Variants in ANK2 observed in about 807,000 individuals in gnomAD.
The protein encoded by ANK2 is ankyrin 2.
In ANK2, 83 loss-of-function variants were observed where a neutral mutation model predicts 360.5. The observed-to-expected ratio is 0.23, with a 90% CI of 0.19 to 0.28. ANK2 has a LOEUF of 0.28. ANK2 is among the 10% of genes least tolerant of loss of function. The probability of loss-of-function intolerance (pLI) is 1.00; values close to 1 mark genes in which losing one functional copy is unlikely to be tolerated. For synonymous variants in ANK2, 1,740 were observed against 1,759.5 expected, an observed-to-expected ratio of 0.99 and a Z score of 0.28; for missense variants, 4,201 against 4,795.7, an observed-to-expected ratio of 0.88 and a Z score of 3.66.
intron 1 of ANK2, among the ~76,000 whole-genome samples, chr4:113,125,660 T>C (rs1272145450): frequency 6.6e-6 from 1 of 152,184 alleles, no homozygotes; most frequent in East Asian, 1.9e-4. Flanking sequence ...TCTGTGTCAT[T>C]TTAATTGTTT....
chr4:113,237,514 C>G, intron 6 of ANK2, 85 bp from the exon 7 acceptor site: 2 of 1,338,768 alleles, frequency 1.5e-6, no homozygotes, highest in Non-Finnish European at 2.2e-6. Context: ...AACAGTATAC[C>G]CAATTGCAGC....
intron 2 of ANK2, among the ~76,000 whole-genome samples, chr4:113,019,202 T>G (rs924696620): frequency 1.3e-5 from 2 of 152,188 alleles, no homozygotes; most frequent in Non-Finnish European, 1.5e-5. Flanking sequence ...TATTTTTTAT[T>G]TCTCAATAAT....
chr4:113,349,079 C>T (rs1248009038), intron 36 of ANK2, among the ~76,000 whole-genome samples: 3 of 152,056 alleles, frequency 2.0e-5, no homozygotes, highest in Non-Finnish European at 4.4e-5. Flanking sequence ...TCATCAATGT[C>T]GATCTCTCAC....
chr4:112,966,909 G>A (rs1160398369), intron 2 of ANK2, among the ~76,000 whole-genome samples: 1 of 152,108 alleles, frequency 6.6e-6, no homozygotes, highest in African/African-American at 2.4e-5. Flanking sequence ...AGCGAGCACT[G>A]TCAATAAATG....
chr4:112,949,814 A>T (rs1297761597), intron 2 of ANK2, among the ~76,000 whole-genome samples: 1 of 152,214 alleles, frequency 6.6e-6, no homozygotes, highest in Non-Finnish European at 1.5e-5. Flanking sequence ...GTAACAATTA[A>T]AAAGTTTCAC....
chr4:112,865,023 C>A lies in ANK2; in HGVS notation c.-39-39432C>A, dbSNP rs1433385792. On this transcript the variant is annotated intron_variant, in intron 1 of 30. Transcript: ENST00000503271. ...TTCCAGCCTGGGCGACAGAGCGAGA[C>A]TCCATCTCAAAAAAAAAAAAAAAAA... Among the ~76,000 whole-genome samples, 29 of 94,584 alleles carry A rather than the reference C, an allele frequency of 3.1e-4. 1 individual carries two copies. 62.1% of individuals were successfully genotyped at this position (94,584 alleles called of 152,430 possible).
intron 2 of ANK2, among the ~76,000 whole-genome samples, chr4:112,921,364 A>G (rs1185896591): frequency 6.9e-6 from 1 of 144,130 alleles, no homozygotes; most frequent in African/African-American, 2.6e-5. Flanking sequence ...TATTTTCTGC[A>G]TTAGGTTTCT....
At position 113,343,041 on chromosome 4, in the gene ANK2, G is replaced by T. The variant is rs764532145; in HGVS notation, c.4147G>T (p.Val1383Phe). Residue 1383 changes from valine (V) to phenylalanine (F), a missense_variant, in exon 34 of 46, where the codon GTT (valine) becomes TTT (phenylalanine). Around this residue, in one of 4 missense-constraint regions of ANK2, gnomAD observed 1,268 missense variants for 1,650.8 expected, o/e 0.77. Transcript: ENST00000357077. ...GGTGTTAGAAGGAAAACCCATCTAC[G>T]TTGATTGTTTCGGCAACTTGGTACC... ...VEVLEGKPIY[V>F]DCFGNLVPLT... 6.2e-7 allele frequency: 1 copy of T among 1,613,882 alleles called. No individual in the cohort carries two copies. Among genetic ancestry groups the T allele is most frequent in the Admixed American group, 1.7e-5 (1 of 60,024 alleles).
chr4:112,706,965 T>TC, the ANK2 span, among the ~76,000 whole-genome samples: 3 of 152,070 alleles, frequency 2.0e-5, no homozygotes, highest in Admixed American at 2.0e-4. Flanking sequence ...CTAGATTTTT[T>TC]CCCCCCGGCT....
At position 113,248,588 on chromosome 4, in the gene ANK2, T is replaced by C. The variant is rs573555982; in HGVS notation, c.892-1176T>C. The stretch of plus-strand genomic sequence containing the variant: ...GAGCAGGGAGGAGAAGGGTAGAGCA[T>C]GGGTCTGGAGGGGCAAACAGAAGAC... On this transcript the variant is annotated intron_variant, in intron 9 of 45. Coordinates refer to ENST00000357077, the MANE Select transcript of ANK2 (RefSeq NM_001148.6). Among the ~76,000 whole-genome samples the C allele has an allele frequency of 2.0e-5, 3 of 151,902 alleles. No homozygotes were observed. The East Asian group carries it at 5.8e-4, about 30-fold the overall frequency.
At chr4:112,738,550 C>A in the ANK2 span, 2 of 394,506 alleles carry the variant, frequency 5.1e-6, no homozygotes, top group South Asian at 4.0e-5. Context: ...CTGCAGGTAG[C>A]TAGCAGGAAC....
At chr4:113,048,294 T>C (rs943547277), upstream of ANK2, among the ~76,000 whole-genome samples, 1 of 121,282 alleles carries the variant, frequency 8.2e-6, no homozygotes, top group African/African-American at 3.1e-5. Flanking sequence ...TTTTTTTTTT[T>C]TTTTTTTTTT....
In ANK2 at chr4:113,199,031, C is replaced by T. The variant is rs2098792264; in HGVS notation, c.306C>T (p.His102=). 8 of 1,613,144 alleles carry T rather than the reference C, an allele frequency of 5.0e-6. No individual in the cohort carries two copies. In the East Asian group the frequency reaches 1.8e-4, roughly 36 times the overall value. The change falls in exon 4 of 46, where the codon CAC becomes CAT. Residue 102 remains histidine (H), a synonymous_variant. Transcript: ENST00000357077. Reference sequence around the variant, plus strand: ...AACAGAAGGGAAATACCGCTCTTCACATTGCATCTTTGGCTGGACAAGCAG... The same window carrying T: ...AACAGAAGGGAAATACCGCTCTTCATATTGCATCTTTGGCTGGACAAGCAG... The part of the protein sequence containing the change: ...SATKKGNTAL[H]IASLAGQAEV...
rs547560506 is a variant in ANK2, at chr4:112,819,536, C to T, written c.-40+1272C>T. Among the ~76,000 whole-genome samples the T allele has an allele frequency of 1.2e-4, 18 of 151,504 alleles. 1 individual carries two copies. The East Asian group carries it at 3.3e-3, about 28-fold the overall frequency. On this transcript the variant is annotated intron_variant, in intron 1 of 30. Transcript: ENST00000503271. ...GATGAGTTTTGTCCTTTTTTTTTAG[C>T]CTTTTGCAGTATATGGTTTAAGTCA... is the stretch of plus-strand genomic sequence containing the variant.
intron 2 of ANK2, among the ~76,000 whole-genome samples, chr4:113,040,912 C>G (rs2154313899): frequency 6.6e-6 from 1 of 152,192 alleles, no homozygotes; most frequent in East Asian, 1.9e-4. Context: ...AGCCCTTCCC[C>G]ATGTGAGACT....
intron 1 of ANK2, among the ~76,000 whole-genome samples, chr4:113,154,831 C>T (rs571451385): frequency 6.6e-6 from 1 of 152,176 alleles, no homozygotes; most frequent in African/African-American, 2.4e-5. Context: ...ATGCCAACTG[C>T]CATTCTTATT....
chr4:112,920,308 C>T (rs138033281), intron 2 of ANK2, among the ~76,000 whole-genome samples: 55 of 152,236 alleles, frequency 3.6e-4, no homozygotes, highest in African/African-American at 1.2e-3. Context: ...TGTGTGCTGG[C>T]AACAACTACT....
intron 30 of ANK2, chr4:113,336,341 A>G (rs1297279855): frequency 1.7e-6 from 1 of 587,150 alleles, no homozygotes; most frequent in African/African-American, 1.9e-5. Flanking sequence ...AAATTGTTAA[A>G]GAATCAGATT....
Position 113,346,510 on chromosome 4 carries a change from T to C in ANK2, c.4371+488T>C, listed in dbSNP as rs545637694. ...TTCAGAACTGCCCCGTGATATTTTATTTTTTCTAAGTAATTAACTATTAAT... is the reference window on the plus strand; with the variant it reads ...TTCAGAACTGCCCCGTGATATTTTACTTTTTCTAAGTAATTAACTATTAAT... On this transcript the variant is annotated intron_variant, in intron 35 of 45. Coordinates refer to ENST00000357077, the MANE Select transcript of ANK2 (RefSeq NM_001148.6). Among the ~76,000 whole-genome samples the C allele has an allele frequency of 3.9e-4, 59 of 152,284 alleles. No individual in the cohort carries two copies. The South Asian group carries it at 1.0e-2, about 26-fold the overall frequency.
Sources: gnomAD v4.1 joint callset for allele counts (sites outside exome capture counted in the v4.1 genomes callset) on GRCh38, gnomAD v4.1.1 for gene constraint, gnomAD v4.1.1 regional missense constraint, MANE v1.5 for transcripts, NCBI Gene and HGNC (gene_info 2026-07-23, HGNC 2026-07-21) for gene names.